The following ROBO1 variants were observed in gnomAD, a reference collection of about 807,000 sequenced individuals.
ROBO1 encodes roundabout homolog 1.
Under a neutral mutation model 195.9 loss-of-function variants are expected in ROBO1, and 149 were observed. The ratio of observed to expected loss-of-function variants is 0.76; its 90% CI spans 0.67 to 0.87. ROBO1 has a LOEUF of 0.87. ROBO1 is among the 40% of genes least tolerant of loss of function. The pLI is 0.00. For synonymous variants in ROBO1, 816 were observed against 733.2 expected, an observed-to-expected ratio of 1.11 and a Z score of -1.82; for missense variants, 1,933 against 2,068.3, an observed-to-expected ratio of 0.93 and a Z score of 1.27.
chr3:79,012,977 G>A (rs2077824928), intron 3 of ROBO1, among the ~76,000 whole-genome samples: 1 of 152,090 alleles, frequency 6.6e-6, no homozygotes, highest in Non-Finnish European at 1.5e-5. Context: ...GATCTCCACA[G>A]GATGGCAACT....
Position 78,886,021 on chromosome 3 carries a change from T to C in ROBO1, c.499+52580A>G, listed in dbSNP as rs2036549001. On this transcript the variant is annotated intron_variant, in intron 4 of 30. Coordinates refer to ENST00000464233, the MANE Select transcript of ROBO1 (RefSeq NM_002941.4). ...CTATACATGAACAAGTTTATATTTT[T>C]GTAAAACGTCTTCTAACATTTGATA... 4.0e-5 allele frequency among the ~76,000 whole-genome samples: 6 copies of C among 149,990 alleles called. No individual in the cohort carries two copies. In the South Asian group the frequency reaches 1.3e-3, roughly 31 times the overall value.
At chr3:79,177,902 T>C (rs545331970) in intron 2 of ROBO1, among the ~76,000 whole-genome samples, 1 of 152,362 alleles carries the variant, frequency 6.6e-6, no homozygotes, top group South Asian at 2.1e-4. Flanking sequence ...AGAAATTATA[T>C]CTTCAATTTC....
chr3:79,402,587 A>G (rs2037406772), intron 2 of ROBO1, among the ~76,000 whole-genome samples: 1 of 151,924 alleles, frequency 6.6e-6, no homozygotes, highest in African/African-American at 2.4e-5. Context: ...CACTGGGGTA[A>G]ATCTTTACAA....
rs566901525 is a variant in ROBO1 at position 79,090,247 on chromosome 3, A to AT, written c.172+35208dup. Among the ~76,000 whole-genome samples, 48 of 152,056 alleles carry AT rather than the reference A, an allele frequency of 3.2e-4. 1 individual carries two copies. Among genetic ancestry groups the AT allele is most frequent in the African/African-American group, 1.1e-3 (45 of 41,516 alleles). ...GCCACCGCTCCTGGCCCATTTATTC[A>AT]TTTTTTTAAAACAGGTTGTTTTTAC... On this transcript the variant is annotated intron_variant, in intron 3 of 30. Coordinates refer to ENST00000464233, the MANE Select transcript of ROBO1 (RefSeq NM_002941.4).
chr3:79,032,566 A>G (rs2078315003), intron 3 of ROBO1, among the ~76,000 whole-genome samples: 1 of 152,020 alleles, frequency 6.6e-6, no homozygotes, highest in South Asian at 2.1e-4. Flanking sequence ...ATGGCAATAG[A>G]ATCTCTCTCT....
intron 2 of ROBO1, among the ~76,000 whole-genome samples, chr3:79,440,870 C>A (rs941820090): frequency 1.3e-5 from 2 of 151,982 alleles, no homozygotes; most frequent in Non-Finnish European, 2.9e-5. Context: ...CGGAGGGCTT[C>A]GGATGCCATC....
At chr3:79,688,691 T>A (rs1011825681) in intron 1 of ROBO1, among the ~76,000 whole-genome samples, 1 of 152,108 alleles carries the variant, frequency 6.6e-6, no homozygotes, top group Non-Finnish European at 1.5e-5. Context: ...AGAATTTTAT[T>A]TGGATTAATT....
chr3:78,697,334 T>C (rs2081323178), intron 8 of ROBO1, among the ~76,000 whole-genome samples: 1 of 152,032 alleles, frequency 6.6e-6, no homozygotes, highest in African/African-American at 2.4e-5. Flanking sequence ...TCAGGAGACA[T>C]GTGTATGAGT....
At chr3:79,316,585 T>C (rs911456232) in intron 2 of ROBO1, among the ~76,000 whole-genome samples, 2 of 152,046 alleles carry the variant, frequency 1.3e-5, no homozygotes, top group Non-Finnish European at 2.9e-5. Flanking sequence ...TCCTATGTTC[T>C]TAGAGATAAA....
chr3:79,614,626 C>T (rs1016852333), intron 1 of ROBO1, among the ~76,000 whole-genome samples: 2 of 151,854 alleles, frequency 1.3e-5, no homozygotes, highest in African/African-American at 4.8e-5. Flanking sequence ...CAATATAAGT[C>T]ATGAAATAAA....
rs2079019784 is a variant in ROBO1, at chr3:79,067,307, C to G, written c.172+58149G>C. Among the ~76,000 whole-genome samples the G allele has an allele frequency of 2.0e-5, 3 of 151,906 alleles. No individual in the cohort carries two copies. The South Asian group carries it at 6.2e-4, about 31-fold the overall frequency. ...TGTCTTAAGACAAATAAAACCAAGT[C>G]AAGTGAAGTTAATATGGGGTTACTT... On this transcript the variant is annotated intron_variant, in intron 3 of 30. Coordinates refer to ENST00000464233, the MANE Select transcript of ROBO1 (RefSeq NM_002941.4).
intron 1 of ROBO1, among the ~76,000 whole-genome samples, chr3:79,705,892 G>A (rs1362801120): frequency 6.6e-6 from 1 of 151,884 alleles, no homozygotes; most frequent in Non-Finnish European, 1.5e-5. Context: ...TACATATTTT[G>A]TTAAATTTAT....
chr3:79,147,978 G>A (rs1559694339), intron 2 of ROBO1, among the ~76,000 whole-genome samples: 1 of 151,942 alleles, frequency 6.6e-6, no homozygotes, highest in East Asian at 1.9e-4. Flanking sequence ...TACTAGGAAG[G>A]AAAAAGAACA....
At chr3:79,688,411 T>C (rs1947198351) in intron 1 of ROBO1, among the ~76,000 whole-genome samples, 2 of 152,118 alleles carry the variant, frequency 1.3e-5, no homozygotes, top group Non-Finnish European at 2.9e-5. Context: ...CATTCAGCCA[T>C]TGCTCTTAAA....
At chr3:79,357,940 T>A (rs1482984839) in intron 2 of ROBO1, among the ~76,000 whole-genome samples, 1 of 152,126 alleles carries the variant, frequency 6.6e-6, no homozygotes, top group Non-Finnish European at 1.5e-5. Context: ...AATGGGGGGA[T>A]AGCATTTTAC....
chr3:78,638,909 T>C (rs1291088793), intron 22 of ROBO1, among the ~76,000 whole-genome samples: 1 of 151,790 alleles, frequency 6.6e-6, no homozygotes, highest in Non-Finnish European at 1.5e-5. Context: ...TAAAAGAAAT[T>C]GTAATCACAT....
At chr3:78,941,004 A>G (rs1398714844) in intron 3 of ROBO1, among the ~76,000 whole-genome samples, 1 of 152,244 alleles carries the variant, frequency 6.6e-6, no homozygotes, top group Non-Finnish European at 1.5e-5. Flanking sequence ...ACTAATACGT[A>G]TACATTCAAC....
At chr3:79,103,577 G>A (rs139588871) in intron 3 of ROBO1, among the ~76,000 whole-genome samples, 18 of 151,584 alleles carry the variant, frequency 1.2e-4, no homozygotes, top group South Asian at 2.1e-4. Context: ...AATTTTTGTC[G>A]ACATCTAACA....
intron 4 of ROBO1, among the ~76,000 whole-genome samples, chr3:78,855,884 T>A (rs1165292039): frequency 2.0e-5 from 3 of 152,218 alleles, no homozygotes; most frequent in South Asian, 2.1e-4. Flanking sequence ...GGAGAATATT[T>A]TTTTTTCCTT....
Sources: allele counts gnomAD v4.1 joint callset (sites outside exome capture counted in the v4.1 genomes callset), GRCh38; gene constraint gnomAD v4.1.1; transcripts MANE v1.5; gene names NCBI Gene and HGNC (gene_info 2026-07-23, HGNC 2026-07-21).